The following PML variants were observed in gnomAD, a reference collection of about 807,000 sequenced individuals.
PML encodes the protein protein PML.
In PML, 28 loss-of-function variants were observed where a neutral mutation model predicts 65.2. The ratio of observed to expected loss-of-function variants is 0.43; its 90% CI spans 0.32 to 0.59. PML has a LOEUF of 0.59. PML is among the 20% of genes least tolerant of loss of function. The pLI is 0.08. For missense variants in PML, 1,021 were observed against 1,203.4 expected (o/e 0.85, Z 2.24); for synonymous variants, 500 against 508.8 (o/e 0.98, Z 0.23).
chr15:74,043,597 A>T lies in PML; in HGVS notation c.1861+458A>T. 2.3e-6 allele frequency: 1 copy of T among 436,646 alleles called. No homozygotes were observed. The highest frequency in any genetic ancestry group is 4.4e-6 in the Non-Finnish European group (1 of 229,416). The allele number at this position is 436,646 out of a possible 1,614,324, so 27.0% of individuals were successfully genotyped here. A position where few individuals can be genotyped will look rare whatever the true frequency, so the allele number is the denominator to read the frequency against. On this transcript the variant is annotated intron_variant, in intron 8 of 8. Coordinates refer to ENST00000268058, the MANE Select transcript of PML (RefSeq NM_033238.3). The surrounding 1 kb of genome is among the most constrained non-coding windows in gnomAD (Gnocchi z 4.3). ...GAGGGATCAGACCCCTTATCCTGGA[A>T]GCCCCTCTACTTCCTCCAGTGCTTG...
chr15:74,018,789 T>C (rs2070710693), intron 2 of PML, among the ~76,000 whole-genome samples: 1 of 152,240 alleles, frequency 6.6e-6, no homozygotes, highest in Non-Finnish European at 1.5e-5. Flanking sequence ...CAATTTCTTA[T>C]TAAGTTAGTG....
In PML at chr15:74,033,219, G is replaced by T; in HGVS notation, c.1462G>T (p.Val488Phe). ...CAGCCAGACCCAGTGCCCCAGGAAG[G>T]TCATCAAGATGGAGTCTGAGGAGGG... ...KCSQTQCPRK[V>F]IKMESEEGKE... The change falls in exon 6 of 9, where the codon GTC becomes TTC. Residue 488 changes from valine (V) to phenylalanine (F), a missense_variant. Val to Phe is a conservative substitution (Grantham distance 50). Coordinates refer to ENST00000268058, the MANE Select transcript of PML (RefSeq NM_033238.3). 1 of 1,614,224 alleles carries T rather than the reference G, an allele frequency of 6.2e-7. No homozygotes were observed.
rs2071486474 is a variant in PML, at chr15:74,035,120, G to A, written c.1710+590G>A. On this transcript the variant is annotated intron_variant, in intron 7 of 8. Transcript: ENST00000268058. This position sits in a 1 kb window ranked among gnomAD's most constrained non-coding sequence, Gnocchi z 4.1. ...TGAATAGAGTGAAAGGTTGGACTGG[G>A]TGGCCCCTGAGGTCTCTTCCAGCCC... 4 of 1,146,560 alleles carry A rather than the reference G, an allele frequency of 3.5e-6. No homozygotes were observed. In the African/African-American group the frequency reaches 6.1e-5, roughly 17 times the overall value. The allele number at this position is 1,146,560 out of a possible 1,614,324, so 71.0% of individuals were successfully genotyped here. A position where few individuals can be genotyped will look rare whatever the true frequency, so the allele number is the denominator to read the frequency against.
intron 2 of PML, among the ~76,000 whole-genome samples, chr15:74,004,376 A>G (rs2141738400): frequency 6.6e-6 from 1 of 152,200 alleles, no homozygotes; most frequent in Middle Eastern, 3.4e-3. Flanking sequence ...ATCATAGCTC[A>G]CTGTAACCTC....
chr15:74,045,315 C>G lies in PML; in HGVS notation c.*307C>G. 2.4e-6 allele frequency: 1 copy of G among 413,660 alleles called. No individual in the cohort carries two copies. Among genetic ancestry groups the G allele is most frequent in the Non-Finnish European group, 4.4e-6 (1 of 228,714 alleles). 25.6% of individuals were successfully genotyped at this position (413,660 alleles called of 1,614,324 possible). A position where few individuals can be genotyped will look rare whatever the true frequency, so the allele number is the denominator to read the frequency against. ...TGACCTCTGGGCTCTCTAGGTGGCC[C>G]TGGTCTTGCCCCATCCATCCCACCT... On this transcript the variant is annotated 3_prime_UTR_variant, in exon 9 of 9. Coordinates refer to ENST00000268058, the MANE Select transcript of PML (RefSeq NM_033238.3).
chr15:74,001,491 C>T (rs1240329553), intron 2 of PML, among the ~76,000 whole-genome samples: 3 of 152,086 alleles, frequency 2.0e-5, no homozygotes. Flanking sequence ...AGGTGCCCAC[C>T]ACCATGCCTG....
chr15:74,003,018 C>T (rs1203167170), intron 2 of PML, among the ~76,000 whole-genome samples: 2 of 152,058 alleles, frequency 1.3e-5, no homozygotes, highest in Non-Finnish European at 2.9e-5. Flanking sequence ...CCCAGCTATT[C>T]GGGAGGTGGA....
At chr15:74,001,907 G>A (rs1380742207) in intron 2 of PML, among the ~76,000 whole-genome samples, 2 of 151,986 alleles carry the variant, frequency 1.3e-5, no homozygotes, top group Non-Finnish European at 2.9e-5. Flanking sequence ...GGGAGGTTGA[G>A]GCAGGAGGGT....
At chr15:74,015,058 GTTCAAACAGTGCTTCCT>G (rs1158164623) in intron 2 of PML, among the ~76,000 whole-genome samples, 1 of 152,220 alleles carries the variant, frequency 6.6e-6, no homozygotes, top group East Asian at 1.9e-4. Context: ...TCAGACAGGA[GTTCAAACAGTGCTTCCT>G]TTCACCGCTT....
chr15:74,034,900 G>A (rs2071475580), intron 7 of PML: 6 of 1,439,110 alleles, frequency 4.2e-6, no homozygotes, highest in Admixed American at 2.8e-5. Context: ...CAGCCAGTGG[G>A]GGCCAGTGAA....
chr15:74,033,551 A>G, intron 6 of PML, 137 bp downstream of exon 6: 1 of 948,126 alleles, frequency 1.1e-6, no homozygotes, highest in African/African-American at 1.6e-5. Flanking sequence ...AGATAGGGAA[A>G]GTTCACAGTG....
intron 2 of PML, among the ~76,000 whole-genome samples, chr15:74,013,864 G>T (rs1405032563): frequency 6.6e-6 from 1 of 152,040 alleles, no homozygotes; most frequent in Non-Finnish European, 1.5e-5. Context: ...ACATTTACCG[G>T]CATGTAAATC....
At chr15:74,031,655 G>A (rs1453303058) in intron 4 of PML, among the ~76,000 whole-genome samples, 4 of 152,172 alleles carry the variant, frequency 2.6e-5, no homozygotes, top group African/African-American at 9.7e-5. Flanking sequence ...TTAACCGTCT[G>A]TTTTCCCTTC....
At chr15:74,010,185 A>ATTTT (rs536738558) in intron 2 of PML, among the ~76,000 whole-genome samples, 2,287 of 77,836 alleles carry the variant, frequency 0.029, 169 homozygotes, top group African/African-American at 0.044. Context: ...TGCCCAGCTA[A>ATTTT]TTTTTTTTTT....
intron 2 of PML, among the ~76,000 whole-genome samples, chr15:74,003,593 T>C (rs1449321708): frequency 6.6e-6 from 1 of 152,248 alleles, no homozygotes; most frequent in East Asian, 1.9e-4. Context: ...TCCTTCTCAC[T>C]TTCAGATTTA....
intron 7 of PML, chr15:74,036,038 C>T: frequency 6.2e-7 from 1 of 1,614,082 alleles, no homozygotes; most frequent in Non-Finnish European, 8.5e-7. Flanking sequence ...CTTACAGGCC[C>T]TGCACAGAGT....
chr15:74,033,755 C>T, intron 6 of PML: 1 of 594,182 alleles, frequency 1.7e-6, no homozygotes, highest in South Asian at 2.1e-5. Flanking sequence ...CTTGGGCATA[C>T]CATAACAGGA....
intron 4 of PML, chr15:74,027,156 G>T (rs2141848835): frequency 6.6e-6 from 1 of 152,232 alleles, no homozygotes; most frequent in Admixed American, 6.5e-5. Flanking sequence ...CCATTAAATG[G>T]ATATGGCAGG....
chr15:73,996,015 G>C (rs1376813896), intron 1 of PML, among the ~76,000 whole-genome samples: 3 of 152,096 alleles, frequency 2.0e-5, no homozygotes, highest in Non-Finnish European at 4.4e-5. Flanking sequence ...GCCTCCCAAA[G>C]TGCTGGGATT....
Sources: allele counts gnomAD v4.1 joint callset (sites outside exome capture counted in the v4.1 genomes callset), GRCh38; gene constraint gnomAD v4.1.1; non-coding constraint Gnocchi (gnomAD v3.1); transcripts MANE v1.5; gene names NCBI Gene and HGNC (gene_info 2026-07-23, HGNC 2026-07-21).